ADRA1B: variants seen among roughly 807,000 people sequenced by gnomAD.
The protein encoded by ADRA1B is alpha-1B adrenergic receptor.
Under a neutral mutation model 17.9 loss-of-function variants are expected in ADRA1B, and 17 were observed. The observed-to-expected ratio is 0.95, with a 90% CI of 0.65 to 1.42. The LOEUF (loss-of-function observed/expected upper bound fraction) is 1.42. Among genes scored for constraint, ADRA1B ranks in the 40% most tolerant of loss-of-function variants. The pLI is 0.00. For synonymous variants in ADRA1B, 366 were observed against 327.6 expected (o/e 1.12, Z -1.27); for missense variants, 681 against 722.1 (o/e 0.94, Z 0.65).
At chr5:159,919,192 C>G (rs1754410529) in intron 1 of ADRA1B, among the ~76,000 whole-genome samples, 1 of 152,208 alleles carries the variant, frequency 6.6e-6, no homozygotes, top group Non-Finnish European at 1.5e-5. Flanking sequence ...TAATGCCTTT[C>G]AGAAATATTT....
At chr5:159,873,905 A>T (rs953655182) in intron 1 of ADRA1B, among the ~76,000 whole-genome samples, 2 of 152,142 alleles carry the variant, frequency 1.3e-5, no homozygotes, top group African/African-American at 2.4e-5. Context: ...TCACCAAAAT[A>T]GTATTTGATT....
chr5:159,961,465 C>G (rs1298892172), intron 1 of ADRA1B, among the ~76,000 whole-genome samples: 3 of 152,160 alleles, frequency 2.0e-5, no homozygotes, highest in African/African-American at 7.2e-5. Flanking sequence ...GGTTAAGTGG[C>G]AAATAAAAAT....
chr5:159,917,577 C>CCGTGT lies in ADRA1B; in HGVS notation c.674_678dup (p.Tyr227ValfsTer4). On this transcript the variant is annotated frameshift_variant, in exon 1 of 2. Coordinates refer to ENST00000306675, the MANE Select transcript of ADRA1B (RefSeq NM_000679.4). LOFTEE classifies it high-confidence loss of function. ...TGGCGGTCATTCTAGTCATGTACTG[C>CCGTGT]CGTGTCTATATAGTGGCCAAGAGAA... The CCGTGT allele has an allele frequency of 6.2e-7, 1 of 1,614,000 alleles. No homozygotes were observed. Among genetic ancestry groups the CCGTGT allele is most frequent in the Non-Finnish European group, 8.5e-7 (1 of 1,179,992 alleles).
the ADRA1B span, among the ~76,000 whole-genome samples, chr5:159,986,845 G>A: frequency 6.6e-6 from 1 of 152,278 alleles, no homozygotes; most frequent in South Asian, 2.1e-4. Context: ...TGCCGGGTAA[G>A]GGCTAGGTTT....
At chr5:159,907,969 A>ACACT (rs1427133782) in intron 1 of ADRA1B, among the ~76,000 whole-genome samples, 8 of 151,770 alleles carry the variant, frequency 5.3e-5, no homozygotes, top group African/African-American at 1.9e-4. Flanking sequence ...ACACACACAC[A>ACACT]CACACACACA....
the ADRA1B span, among the ~76,000 whole-genome samples, chr5:159,983,301 C>T: frequency 6.6e-6 from 1 of 152,180 alleles, no homozygotes; most frequent in East Asian, 1.9e-4. Context: ...CAAGAGAATA[C>T]CCTGGACAAG....
intron 1 of ADRA1B, among the ~76,000 whole-genome samples, chr5:159,880,981 T>A (rs1251786904): frequency 6.6e-6 from 1 of 152,110 alleles, no homozygotes; most frequent in Non-Finnish European, 1.5e-5. Context: ...TCATTAAATC[T>A]TTGGTCTTAA....
chr5:159,883,089 GTTA>G (rs539557131), intron 1 of ADRA1B, among the ~76,000 whole-genome samples: 14 of 152,118 alleles, frequency 9.2e-5, no homozygotes, highest in Non-Finnish European at 1.6e-4. Context: ...CATGTTTACT[GTTA>G]CCCTTAAGGC....
chr5:159,887,803 A>G (rs776242971), intron 1 of ADRA1B, among the ~76,000 whole-genome samples: 2 of 152,172 alleles, frequency 1.3e-5, no homozygotes, highest in Non-Finnish European at 1.5e-5. Context: ...TGGAATATAT[A>G]GACGTCATCT....
At chr5:159,980,731 G>T in the ADRA1B span, among the ~76,000 whole-genome samples, 1 of 152,124 alleles carries the variant, frequency 6.6e-6, no homozygotes, top group Non-Finnish European at 1.5e-5. Context: ...TATAGGAAAT[G>T]CTCAACTAAT....
chr5:159,987,479 T>C, the ADRA1B span, among the ~76,000 whole-genome samples: 1 of 152,118 alleles, frequency 6.6e-6, no homozygotes, highest in Admixed American at 6.6e-5. Context: ...CCGAGCCCGC[T>C]CCACGCCCCT....
chr5:159,896,359 C>T (rs1754040459), intron 1 of ADRA1B, among the ~76,000 whole-genome samples: 3 of 152,166 alleles, frequency 2.0e-5, no homozygotes, highest in Non-Finnish European at 4.4e-5. Context: ...GAAATCACAC[C>T]TGAGCCCAAA....
intron 1 of ADRA1B, among the ~76,000 whole-genome samples, chr5:159,919,944 G>A (rs1190511475): frequency 1.3e-5 from 2 of 152,220 alleles, no homozygotes; most frequent in East Asian, 3.8e-4. Context: ...GTGGCTCTAG[G>A]CTTGCTGCTT....
At chr5:159,981,417 C>A in the ADRA1B span, among the ~76,000 whole-genome samples, 1 of 152,114 alleles carries the variant, frequency 6.6e-6, no homozygotes, top group African/African-American at 2.4e-5. Flanking sequence ...ACGTAAGAAA[C>A]AAAAGTTTCA....
chr5:159,972,294 C>T lies in ADRA1B; in HGVS notation c.1365C>T (p.Ser455=). The change falls in exon 2 of 2, where the codon AGC becomes AGT. Residue 455 remains serine, a synonymous_variant. Coordinates refer to ENST00000306675, the MANE Select transcript of ADRA1B (RefSeq NM_000679.4). ...GGAAGGCGCCCGGCGCCCTCCTGAG[C>T]CTGCCCGCGCCTGAGCCCCCCGGCC... is the stretch of plus-strand genomic sequence containing the variant. The part of the protein sequence containing the change: ...PEWKAPGALL[S]LPAPEPPGRR... 2.8e-6 allele frequency: 4 copies of T among 1,416,892 alleles called. No individual in the cohort carries two copies. The highest frequency in any genetic ancestry group is 3.7e-6 in the Non-Finnish European group (4 of 1,090,138). The allele number at this position is 1,416,892 out of a possible 1,614,324, so 87.8% of individuals were successfully genotyped here. A position where few individuals can be genotyped will look rare whatever the true frequency, so the allele number is the denominator to read the frequency against.
intron 1 of ADRA1B, among the ~76,000 whole-genome samples, chr5:159,872,069 T>C (rs1561579425): frequency 6.6e-6 from 1 of 152,210 alleles, no homozygotes; most frequent in Non-Finnish European, 1.5e-5. Context: ...CCAACTTGTA[T>C]CATATCCTCT....
At chr5:159,897,129 T>G (rs753543321) in intron 1 of ADRA1B, among the ~76,000 whole-genome samples, 2 of 152,182 alleles carry the variant, frequency 1.3e-5, no homozygotes, top group African/African-American at 2.4e-5. Flanking sequence ...ATGCAGCTTT[T>G]TAAACCCCAG....
chr5:159,884,679 A>G (rs903923525), intron 1 of ADRA1B, among the ~76,000 whole-genome samples: 2 of 152,262 alleles, frequency 1.3e-5, no homozygotes, highest in African/African-American at 4.8e-5. Flanking sequence ...TCACCAATCT[A>G]TCCACACTGG....
intron 1 of ADRA1B, among the ~76,000 whole-genome samples, chr5:159,946,038 C>T (rs1447510337): frequency 5.9e-5 from 9 of 152,178 alleles, no homozygotes; most frequent in African/African-American, 1.2e-4. Context: ...TGAGCCACCG[C>T]GCCCAGCCCG....
Sources: allele counts gnomAD v4.1 joint callset (sites outside exome capture counted in the v4.1 genomes callset), GRCh38; gene constraint gnomAD v4.1.1; transcripts MANE v1.5; gene names NCBI Gene and HGNC (gene_info 2026-07-23, HGNC 2026-07-21).